GDA: variants seen among roughly 807,000 people sequenced by gnomAD.
The protein encoded by GDA is cytoplasmic PSD-95 interactor.
A neutral mutation model predicts 59.6 loss-of-function variants in GDA; 18 were observed. The observed-to-expected ratio is 0.30, with a 90% confidence interval of 0.21 to 0.45. GDA has a LOEUF of 0.45. Among genes scored for constraint, GDA ranks in the 20% least tolerant of loss-of-function variants. The pLI, the probability that GDA is intolerant of heterozygous loss-of-function variation, is 1.00. For synonymous variants in GDA, 201 were observed against 201.1 expected, an observed-to-expected ratio of 1.00 and a Z score of 0.00; for missense variants, 427 against 552.3, an observed-to-expected ratio of 0.77 and a Z score of 2.27.
intron 1 of GDA, among the ~76,000 whole-genome samples, chr9:72,164,661 A>T (rs1353679516): frequency 6.6e-6 from 1 of 152,156 alleles, no homozygotes; most frequent in Non-Finnish European, 1.5e-5. Context: ...TTATACAAAC[A>T]TTTGCATTTG....
intron 10 of GDA, among the ~76,000 whole-genome samples, chr9:72,238,003 T>A (rs748906896): frequency 1.5e-4 from 23 of 152,200 alleles, no homozygotes; most frequent in Non-Finnish European, 2.8e-4. Flanking sequence ...AGAATCACAA[T>A]GAAAATCTGA....
chr9:72,196,361 C>G (rs116497745), intron 2 of GDA, among the ~76,000 whole-genome samples: 4,003 of 151,624 alleles, frequency 0.026, 181 homozygotes, highest in African/African-American at 0.091. Context: ...CATATGATGC[C>G]TGTAATCCCA....
intron 1 of GDA, among the ~76,000 whole-genome samples, chr9:72,192,626 A>G (rs1832695240): frequency 6.6e-6 from 1 of 151,296 alleles, no homozygotes; most frequent in South Asian, 2.1e-4. Flanking sequence ...TCACACCTGT[A>G]ATCCCAGCAC....
chr9:72,238,022 C>T (rs1010704484), intron 10 of GDA, among the ~76,000 whole-genome samples: 4 of 152,078 alleles, frequency 2.6e-5, no homozygotes, highest in African/African-American at 9.7e-5. Context: ...GATCATGTCA[C>T]CCCCTTGTGC....
intron 1 of GDA, among the ~76,000 whole-genome samples, chr9:72,174,272 T>G (rs1467838126): frequency 6.6e-6 from 1 of 152,170 alleles, no homozygotes; most frequent in Non-Finnish European, 1.5e-5. Context: ...TGCTGTCTAA[T>G]AGGAAAGACA....
intron 2 of GDA, among the ~76,000 whole-genome samples, chr9:72,197,059 C>T (rs993387844): frequency 6.6e-6 from 1 of 152,098 alleles, no homozygotes; most frequent in African/African-American, 2.4e-5. Flanking sequence ...TATAGAGAAA[C>T]ACTGTTTCAC....
chr9:72,180,755 G>A lies in GDA; in HGVS notation c.124-14745G>A, dbSNP rs1205705635. On this transcript the variant is annotated intron_variant, in intron 1 of 13. Transcript: ENST00000358399. ...TCCACAAGTTGGTTAAGCATCAGAG[G>A]ATTCTGAATTTAGGAAAAAAAAATA... Among the ~76,000 whole-genome samples the A allele has an allele frequency of 3.9e-5, 6 of 152,198 alleles. No individual in the cohort carries two copies. In the East Asian group the frequency reaches 1.2e-3, roughly 29 times the overall value.
intron 1 of GDA, 40 bp from the exon 2 acceptor site, chr9:72,195,460 C>A: frequency 1.3e-6 from 1 of 798,268 alleles, no homozygotes; most frequent in Non-Finnish European, 2.0e-6. Context: ...CTGTGACTCA[C>A]TAATATGTGT....
intron 1 of GDA, among the ~76,000 whole-genome samples, chr9:72,123,580 C>T (rs1351792996): frequency 1.4e-4 from 21 of 150,896 alleles, no homozygotes; most frequent in Non-Finnish European, 1.0e-4. Flanking sequence ...CTCCATCTCC[C>T]GGGTTCAAGC....
chr9:72,151,036 T>C (rs1412714356), intron 1 of GDA, among the ~76,000 whole-genome samples: 1 of 152,196 alleles, frequency 6.6e-6, no homozygotes. Context: ...GTTTCTTTTT[T>C]AAAAATTAAT....
intron 10 of GDA, 87 bp downstream of exon 10, chr9:72,231,268 G>T: frequency 1.5e-5 from 10 of 689,190 alleles, no homozygotes; most frequent in South Asian, 3.2e-5. Context: ...TGACTGTTCT[G>T]TTTAAAAAAA....
chr9:72,118,949 T>G (rs1825565854), intron 1 of GDA, among the ~76,000 whole-genome samples: 1 of 152,164 alleles, frequency 6.6e-6, no homozygotes, highest in Non-Finnish European at 1.5e-5. Context: ...CCACTGATAA[T>G]TCAATAAATG....
At chr9:72,217,886 A>G (rs1437835919) in intron 5 of GDA, among the ~76,000 whole-genome samples, 1 of 151,908 alleles carries the variant, frequency 6.6e-6, no homozygotes, top group Non-Finnish European at 1.5e-5. Context: ...AAGAAATTGT[A>G]TTGGTTTATT....
chr9:72,150,372 A>G (rs1203394826), intron 1 of GDA, among the ~76,000 whole-genome samples: 1 of 151,970 alleles, frequency 6.6e-6, no homozygotes, highest in Non-Finnish European at 1.5e-5. Flanking sequence ...AGCCATTTGC[A>G]TCAAAGCAAG....
In GDA at chr9:72,247,408, T is replaced by C; in HGVS notation, c.1269T>C (p.Ala423=). The C allele has an allele frequency of 2.7e-6, 4 of 1,485,170 alleles. No homozygotes were observed. Among genetic ancestry groups the C allele is most frequent in the East Asian group, 2.3e-5 (1 of 44,284 alleles). The allele number at this position is 1,485,170 out of a possible 1,614,324, so 92.0% of individuals were successfully genotyped here. The change falls in exon 13 of 14, where the codon GCT becomes GCC. Residue 423 remains alanine (A), a splice_region_variant and synonymous_variant. Coordinates refer to ENST00000358399, the MANE Select transcript of GDA (RefSeq NM_004293.5). ...YGDFFGDISE[A]VIQKFLYLGD... ...ATTACTTTTATTTTCCATTTTAGGC[T>C]GTTATCCAGAAGTTCCTCTATCTAG...
intron 1 of GDA, among the ~76,000 whole-genome samples, chr9:72,169,860 A>G (rs1252763298): frequency 6.6e-6 from 1 of 152,238 alleles, no homozygotes; most frequent in African/African-American, 2.4e-5. Flanking sequence ...TGTCAGAAGG[A>G]AAACTGAAGC....
At chr9:72,170,089 A>G (rs1314405071) in intron 1 of GDA, among the ~76,000 whole-genome samples, 1 of 152,212 alleles carries the variant, frequency 6.6e-6, no homozygotes, top group East Asian at 1.9e-4. Context: ...CCCCTTTAAT[A>G]TTACGGGATA....
chr9:72,227,040 C>T (rs1027126090), intron 8 of GDA, among the ~76,000 whole-genome samples: 13 of 152,146 alleles, frequency 8.5e-5, no homozygotes, highest in Middle Eastern at 3.2e-3. Flanking sequence ...ATGGCGTGAA[C>T]CCAGGAGGCG....
chr9:72,193,695 G>A (rs1832825185), intron 1 of GDA: 1 of 152,320 alleles, frequency 6.6e-6, no homozygotes, highest in Non-Finnish European at 1.5e-5. Context: ...AGCAGGTGGT[G>A]AAGCCAGCCA....
Sources: allele counts gnomAD v4.1 joint callset (sites outside exome capture counted in the v4.1 genomes callset), GRCh38; gene constraint gnomAD v4.1.1; transcripts MANE v1.5; gene names NCBI Gene and HGNC (gene_info 2026-07-23, HGNC 2026-07-21).